The following SAMD3 variants were observed in gnomAD, a reference collection of about 807,000 sequenced individuals.
SAMD3 encodes the protein sterile alpha motif domain-containing protein 3.
Under a neutral mutation model 58.5 loss-of-function variants are expected in SAMD3, and 63 were observed. The ratio of observed to expected loss-of-function variants is 1.08; its 90% CI spans 0.88 to 1.33. The LOEUF (loss-of-function observed/expected upper bound fraction) is 1.33, where lower values mean the gene tolerates loss of function less well. Among genes scored for constraint, SAMD3 ranks in the 40% most tolerant of loss-of-function variants. The probability of loss-of-function intolerance (pLI) is 0.00; values close to 1 mark genes in which losing one functional copy is unlikely to be tolerated. For synonymous variants in SAMD3, 220 were observed against 210.3 expected (o/e 1.05, Z -0.40); for missense variants, 604 against 608.4 (o/e 0.99, Z 0.08).
chr6:130,216,882 C>T (rs988638124), intron 1 of SAMD3, among the ~76,000 whole-genome samples: 3 of 151,700 alleles, frequency 2.0e-5, no homozygotes, highest in South Asian at 2.1e-4. Context: ...GGCTTCCTTG[C>T]GAAGATTAGG....
At chr6:130,194,736 A>G (rs910556497) in intron 5 of SAMD3, among the ~76,000 whole-genome samples, 2 of 151,964 alleles carry the variant, frequency 1.3e-5, no homozygotes, top group African/African-American at 4.8e-5. Flanking sequence ...CTTGGCAACC[A>G]CTCCCAGAGC....
intron 2 of SAMD3, among the ~76,000 whole-genome samples, chr6:130,237,312 A>C (rs1478128628): frequency 6.6e-6 from 1 of 152,176 alleles, no homozygotes; most frequent in African/African-American, 2.4e-5. Context: ...TATGCATTAC[A>C]GCCCCCCTCC....
chr6:130,146,212 A>C, intron 9 of SAMD3, 31 bp from the exon 10 acceptor site: 1 of 1,421,998 alleles, frequency 7.0e-7, no homozygotes, highest in Non-Finnish European at 9.4e-7. Context: ...TGGATACATC[A>C]GATCACAAGA....
chr6:130,296,699 T>G (rs1775581909), intron 2 of SAMD3, among the ~76,000 whole-genome samples: 1 of 152,058 alleles, frequency 6.6e-6, no homozygotes, highest in South Asian at 2.1e-4. Context: ...CATCTAGCAA[T>G]GGAGGAGAGA....
chr6:130,256,011 T>G (rs1047987875), intron 2 of SAMD3, among the ~76,000 whole-genome samples: 6 of 151,844 alleles, frequency 4.0e-5, no homozygotes, highest in Non-Finnish European at 8.8e-5. Flanking sequence ...TCTTTCTTTC[T>G]TGGTTGCTGT....
intron 1 of SAMD3, among the ~76,000 whole-genome samples, chr6:130,221,989 A>G (rs963859854): frequency 6.6e-6 from 1 of 152,230 alleles, no homozygotes; most frequent in African/African-American, 2.4e-5. Context: ...GCAAGAATGC[A>G]AGGTCAGTTG....
At chr6:130,247,587 A>G (rs973450793) in intron 2 of SAMD3, among the ~76,000 whole-genome samples, 7 of 152,208 alleles carry the variant, frequency 4.6e-5, no homozygotes, top group African/African-American at 1.7e-4. Flanking sequence ...GTGAATTTGT[A>G]ATGATACAAA....
At position 130,359,181 on chromosome 6, in the gene SAMD3, C is replaced by G. The variant is rs541808138; in HGVS notation, c.-304+5939G>C. On this transcript the variant is annotated intron_variant, in intron 1 of 13. Transcript: ENST00000368134. ...AATAGTGCCCATTTCATAGTAAGTA[C>G]TGTATAATAATTTTATATGATATTT... Among the ~76,000 whole-genome samples the G allele has an allele frequency of 6.6e-5, 10 of 152,286 alleles. No homozygotes were observed. In the South Asian group the frequency reaches 2.1e-3, roughly 32 times the overall value.
At chr6:130,184,397 A>C in intron 6 of SAMD3, 41 bp downstream of exon 6, 2 of 1,583,958 alleles carry the variant, frequency 1.3e-6, no homozygotes, top group East Asian at 2.2e-5. Flanking sequence ...TCTGAAACAG[A>C]CCCTTTCCCA....
At chr6:130,173,486 C>T (rs984270594) in intron 8 of SAMD3, among the ~76,000 whole-genome samples, 2 of 152,224 alleles carry the variant, frequency 1.3e-5, no homozygotes, top group Non-Finnish European at 2.9e-5. Flanking sequence ...AGATGCTATT[C>T]GTCTGGGTAT....
At chr6:130,276,809 T>A (rs1244362251) in intron 2 of SAMD3, among the ~76,000 whole-genome samples, 1 of 151,982 alleles carries the variant, frequency 6.6e-6, no homozygotes, top group African/African-American at 2.4e-5. Context: ...CAAGGCTAGG[T>A]TTTTATGGAT....
chr6:130,157,743 G>T (rs1032289366), intron 8 of SAMD3, among the ~76,000 whole-genome samples: 3 of 152,096 alleles, frequency 2.0e-5, no homozygotes, highest in Non-Finnish European at 4.4e-5. Flanking sequence ...AGAGTAGTAA[G>T]ACAGGAAAAT....
At chr6:130,285,175 C>G (rs954592402) in intron 2 of SAMD3, among the ~76,000 whole-genome samples, 1 of 152,118 alleles carries the variant, frequency 6.6e-6, no homozygotes, top group Non-Finnish European at 1.5e-5. Flanking sequence ...ATATAGTAGA[C>G]ACCAAGTGGA....
intron 2 of SAMD3, among the ~76,000 whole-genome samples, chr6:130,269,235 C>T (rs900806514): frequency 1.3e-5 from 2 of 152,140 alleles, no homozygotes; most frequent in Non-Finnish European, 2.9e-5. Context: ...CATTGAATAA[C>T]GCTTTGCTCT....
chr6:130,232,411 C>T (rs960047116), intron 2 of SAMD3, among the ~76,000 whole-genome samples: 38 of 152,274 alleles, frequency 2.5e-4, no homozygotes, highest in African/African-American at 8.9e-4. Flanking sequence ...GGCTGTCTTA[C>T]TATCCTGTTT....
At chr6:130,147,904 A>G (rs536566469) in intron 9 of SAMD3, among the ~76,000 whole-genome samples, 1 of 152,248 alleles carries the variant, frequency 6.6e-6, no homozygotes, top group Admixed American at 6.5e-5. Context: ...AGATTTATGC[A>G]TTTCTGGCAA....
At chr6:130,189,014 A>T (rs1793268500) in intron 5 of SAMD3, among the ~76,000 whole-genome samples, 1 of 151,686 alleles carries the variant, frequency 6.6e-6, no homozygotes, top group Admixed American at 6.6e-5. Flanking sequence ...TCTGTTCTCC[A>T]TGCTCCATCT....
At chr6:130,254,905 ATCTT>A (rs1459749354) in intron 2 of SAMD3, among the ~76,000 whole-genome samples, 1 of 152,174 alleles carries the variant, frequency 6.6e-6, no homozygotes, top group African/African-American at 2.4e-5. Flanking sequence ...TTTATTTTAT[ATCTT>A]TCTTCTTTTT....
chr6:130,235,711 A>C (rs569662745), intron 2 of SAMD3, among the ~76,000 whole-genome samples: 1 of 152,342 alleles, frequency 6.6e-6, no homozygotes, highest in South Asian at 2.1e-4. Flanking sequence ...TCAGTATTCA[A>C]AAATGTTTAT....
Sources: allele counts gnomAD v4.1 joint callset (sites outside exome capture counted in the v4.1 genomes callset), GRCh38; gene constraint gnomAD v4.1.1; transcripts MANE v1.5; gene names NCBI Gene and HGNC (gene_info 2026-07-23, HGNC 2026-07-21).